The following TEX14 variants were observed in gnomAD, a reference collection of about 807,000 sequenced individuals.
TEX14 encodes inactive serine/threonine-protein kinase TEX14.
Under a neutral mutation model 178.6 loss-of-function variants are expected in TEX14, and 168 were observed. The ratio of observed to expected loss-of-function variants is 0.94; its 90% CI spans 0.83 to 1.07. TEX14 has a LOEUF of 1.07. Ranked by LOEUF, TEX14 falls within the 50% of genes least tolerant of loss-of-function variation. The pLI is 0.00. For synonymous variants in TEX14, 626 were observed against 634.1 expected (o/e 0.99, Z 0.19); for missense variants, 1,730 against 1,753.6 (o/e 0.99, Z 0.24).
chr17:58,574,762 A>C (rs1261514889), intron 21 of TEX14, among the ~76,000 whole-genome samples: 2 of 149,758 alleles, frequency 1.3e-5, no homozygotes, highest in Non-Finnish European at 2.9e-5. Context: ...TCTGGGCCTC[A>C]TTTTTCTCTC....
At chr17:58,623,488 G>A (rs1355937738) in intron 3 of TEX14, among the ~76,000 whole-genome samples, 4 of 151,910 alleles carry the variant, frequency 2.6e-5, no homozygotes, top group Non-Finnish European at 5.9e-5. Context: ...AAAATCCTGT[G>A]GTAGAGCACA....
intron 9 of TEX14, among the ~76,000 whole-genome samples, chr17:58,613,012 G>A (rs1170990872): frequency 6.6e-6 from 1 of 152,054 alleles, no homozygotes; most frequent in African/African-American, 2.4e-5. Flanking sequence ...GAACAGCCTG[G>A]CCAACACGGT....
rs1356129978 is a variant in TEX14 at position 58,617,602 on chromosome 17, G to T, written c.572C>A (p.Pro191His). Residue 191 changes from proline (P) to histidine (H), a missense_variant, in exon 6 of 32, where the codon CCT (proline) becomes CAT (histidine). Pro to His is a moderately conservative substitution (Grantham distance 77). This residue lies in a region of TEX14 where 789 missense variants were observed against 681.2 expected (regional missense o/e 1.16). Coordinates refer to ENST00000349033, the MANE Select transcript of TEX14 (RefSeq NM_031272.5). ...GACTCCAGCTTTAAGCAGTCGGTTAGGAGAGCCATTAGGGTTTCTAGAAAT... is the reference window on the plus strand; with the variant it reads ...GACTCCAGCTTTAAGCAGTCGGTTATGAGAGCCATTAGGGTTTCTAGAAAT... ...GLVQGNPNGS[P>H]NRLLKAGVIS... 6.2e-7 allele frequency: 1 copy of T among 1,612,818 alleles called. No individual in the cohort carries two copies. The highest frequency in any genetic ancestry group is 8.5e-7 in the Non-Finnish European group (1 of 1,179,264).
Position 58,690,147 on chromosome 17 carries a change from G to T in TEX14, c.-2+1792C>A, listed in dbSNP as rs192292561. 8.9e-4 allele frequency among the ~76,000 whole-genome samples: 134 copies of T among 150,344 alleles called. No homozygotes were observed. The East Asian group carries it at 0.016, about 18-fold the overall frequency. On this transcript the variant is annotated intron_variant, in intron 1 of 31. Transcript: ENST00000349033. ...CAGCTATAGATAGAGTTGAGTGGGGGTTTTTTTGTTTTTTTTATTTTGCTT... is the reference window on the plus strand; with the variant it reads ...CAGCTATAGATAGAGTTGAGTGGGGTTTTTTTTGTTTTTTTTATTTTGCTT...
At chr17:58,672,468 C>T (rs903130173) in intron 1 of TEX14, among the ~76,000 whole-genome samples, 1 of 152,238 alleles carries the variant, frequency 6.6e-6, no homozygotes, top group Non-Finnish European at 1.5e-5. Flanking sequence ...GAGTCTCGCT[C>T]TATCACCCAG....
At chr17:58,605,750 T>G (rs1326407368) in intron 10 of TEX14, among the ~76,000 whole-genome samples, 1 of 152,234 alleles carries the variant, frequency 6.6e-6, no homozygotes, top group East Asian at 1.9e-4. Context: ...GATATTTGTC[T>G]GAAAGTCACT....
intron 2 of TEX14, among the ~76,000 whole-genome samples, chr17:58,650,839 C>T (rs2046825275): frequency 6.6e-6 from 1 of 152,146 alleles, no homozygotes; most frequent in South Asian, 2.1e-4. Context: ...CCTTTCTGGA[C>T]GTCTTCAGGA....
intron 10 of TEX14, among the ~76,000 whole-genome samples, chr17:58,607,805 T>C (rs1371583696): frequency 1.3e-5 from 2 of 152,210 alleles, no homozygotes; most frequent in Non-Finnish European, 2.9e-5. Flanking sequence ...TTTAAGTTTT[T>C]CCTTCAACTA....
intron 31 of TEX14, 60 bp downstream of exon 31, chr17:58,557,739 G>C: frequency 1.5e-6 from 2 of 1,352,406 alleles, no homozygotes; most frequent in South Asian, 2.6e-5. Context: ...ATGTTTTTAA[G>C]TCTGCTTCTG....
At chr17:58,673,058 T>A (rs974245172) in intron 1 of TEX14, among the ~76,000 whole-genome samples, 21 of 151,798 alleles carry the variant, frequency 1.4e-4, no homozygotes, top group African/African-American at 1.7e-4. Flanking sequence ...ATACTTTTTT[T>A]AAAAAAAATT....
chr17:58,669,717 G>A (rs1465830552), intron 1 of TEX14, among the ~76,000 whole-genome samples: 1 of 120,054 alleles, frequency 8.3e-6, no homozygotes, highest in Non-Finnish European at 1.6e-5. Context: ...CTGGGCAACA[G>A]AGAGAGACTC....
intron 9 of TEX14, among the ~76,000 whole-genome samples, chr17:58,613,199 CAAA>C (rs917433122): frequency 2.2e-5 from 3 of 135,700 alleles, no homozygotes; most frequent in African/African-American, 8.2e-5. Context: ...GACTCTGTCT[CAAA>C]AAAAAAAAAG....
At chr17:58,685,355 G>C (rs2047572953) in intron 1 of TEX14, among the ~76,000 whole-genome samples, 1 of 151,446 alleles carries the variant, frequency 6.6e-6, no homozygotes, top group African/African-American at 2.4e-5. Context: ...ACAATCGCTT[G>C]AACGTGGGAG....
intron 1 of TEX14, among the ~76,000 whole-genome samples, chr17:58,690,904 T>C (rs377647333): frequency 6.6e-6 from 1 of 152,278 alleles, no homozygotes; most frequent in East Asian, 1.9e-4. Flanking sequence ...TTTCACTCTA[T>C]CACCCAAGCT....
intron 2 of TEX14, among the ~76,000 whole-genome samples, chr17:58,639,897 T>C (rs929754239): frequency 6.6e-6 from 1 of 152,186 alleles, no homozygotes; most frequent in Non-Finnish European, 1.5e-5. Flanking sequence ...GAACTCTGGT[T>C]CTTATGCCAC....
At chr17:58,646,187 C>T (rs1022774047) in intron 2 of TEX14, among the ~76,000 whole-genome samples, 5 of 152,114 alleles carry the variant, frequency 3.3e-5, no homozygotes, top group African/African-American at 1.2e-4. Context: ...GCTTAAAAGC[C>T]AATCGCTATT....
rs2045208549 is a variant in TEX14 at position 58,593,544 on chromosome 17, T to C, written c.2576+11A>G. Reference sequence around the variant, plus strand: ...CATAGTGACATTAAGAACAACAAAATGTTGACCCACCTACTGGTATTTTGG... The same window carrying C: ...CATAGTGACATTAAGAACAACAAAACGTTGACCCACCTACTGGTATTTTGG... On this transcript the variant is annotated intron_variant, in intron 15 of 31. Coordinates refer to ENST00000349033, the MANE Select transcript of TEX14 (RefSeq NM_031272.5). 2 of 1,605,844 alleles carry C rather than the reference T, an allele frequency of 1.2e-6. No homozygotes were observed. Among genetic ancestry groups the C allele is most frequent in the Non-Finnish European group, 8.5e-7 (1 of 1,172,522 alleles).
intron 8 of TEX14, among the ~76,000 whole-genome samples, 187 bp from the exon 9 acceptor site, chr17:58,613,731 C>T (rs758807107): frequency 4.6e-5 from 7 of 151,948 alleles, no homozygotes; most frequent in Non-Finnish European, 8.8e-5. Context: ...GGTGATCTCT[C>T]GGCTGGCTCA....
chr17:58,610,961 T>G (rs939210908), intron 10 of TEX14, among the ~76,000 whole-genome samples, 200 bp downstream of exon 10: 3 of 152,074 alleles, frequency 2.0e-5, no homozygotes, highest in African/African-American at 7.2e-5. Flanking sequence ...GAGCTCTTAC[T>G]TGTTAAATGT....
Sources: gnomAD v4.1 joint callset for allele counts (sites outside exome capture counted in the v4.1 genomes callset) on GRCh38, gnomAD v4.1.1 for gene constraint, gnomAD v4.1.1 regional missense constraint, MANE v1.5 for transcripts, NCBI Gene and HGNC (gene_info 2026-07-23, HGNC 2026-07-21) for gene names.